Variants in ACSF2 observed in about 807,000 individuals in gnomAD.
ACSF2 encodes the protein medium-chain acyl-CoA ligase ACSF2, mitochondrial.
Under a neutral mutation model 79.3 loss-of-function variants are expected in ACSF2, and 52 were observed. The observed-to-expected ratio is 0.66, with a 90% confidence interval of 0.53 to 0.83. The LOEUF (loss-of-function observed/expected upper bound fraction) is 0.83. Among genes scored for constraint, ACSF2 ranks in the 40% least tolerant of loss-of-function variants. The pLI is 0.00. For missense variants in ACSF2, 661 were observed against 803.3 expected (o/e 0.82, Z 2.14); for synonymous variants, 283 against 312.6 (o/e 0.91, Z 1.00).
At chr17:50,447,850 G>A (rs947569033) in intron 1 of ACSF2, among the ~76,000 whole-genome samples, 1 of 152,218 alleles carries the variant, frequency 6.6e-6, no homozygotes, top group Admixed American at 6.5e-5. Flanking sequence ...TTCTCAGCTA[G>A]ATGGCTTGAC....
At chr17:50,461,825 G>A in intron 4 of ACSF2, 139 bp downstream of exon 4, 7 of 1,160,466 alleles carry the variant, frequency 6.0e-6, no homozygotes, top group Non-Finnish European at 8.8e-6. Flanking sequence ...CTTAGGCCAT[G>A]TGTGATTGGA....
At chr17:50,432,947 C>G (rs2030065450) in intron 1 of ACSF2, among the ~76,000 whole-genome samples, 1 of 152,132 alleles carries the variant, frequency 6.6e-6, no homozygotes, top group South Asian at 2.1e-4. Flanking sequence ...AAGTATGCAG[C>G]CTTCATACGT....
intron 10 of ACSF2, among the ~76,000 whole-genome samples, chr17:50,470,769 A>C (rs1028262389): frequency 6.6e-6 from 1 of 151,774 alleles, no homozygotes; most frequent in East Asian, 1.9e-4. Context: ...GCACTGAGAG[A>C]GCTCCAGCTG....
intron 1 of ACSF2, chr17:50,426,848 T>C (rs936047299): frequency 6.6e-7 from 1 of 1,513,246 alleles, no homozygotes; most frequent in Non-Finnish European, 8.9e-7. Context: ...AGCTGCTCAC[T>C]AACATGGCTT....
Position 50,468,565 on chromosome 17 carries a change from C to A in ACSF2, c.1216-2463C>A, listed in dbSNP as rs201158957. The A allele has an allele frequency of 9.4e-5, 151 of 1,614,232 alleles. No individual in the cohort carries two copies. In the East Asian group the frequency reaches 3.3e-3, roughly 36 times the overall value. ...CGGCCACCTCGCGGATCTGGCAGTG[C>A]TGCAGGTGCAATGACACGAGGTTCG... On this transcript the variant is annotated intron_variant, in intron 10 of 15. Transcript: ENST00000300441.
intron 2 of ACSF2, 167 bp from the exon 3 acceptor site, chr17:50,461,075 T>C: frequency 8.4e-7 from 1 of 1,196,300 alleles, no homozygotes. Context: ...CTGGGGCACC[T>C]GTTAACTATG....
intron 1 of ACSF2, among the ~76,000 whole-genome samples, chr17:50,458,986 G>T (rs1432048754): frequency 6.6e-6 from 1 of 152,206 alleles, no homozygotes; most frequent in African/African-American, 2.4e-5. Context: ...ACTGTGGCTT[G>T]TTCTATCTCT....
rs143964709 is a variant in ACSF2, at chr17:50,462,240, C to T, written c.564C>T (p.Asn188=). ...PKQFKTQQYY[N]VLKQICPEVE... is the part of the protein sequence containing the mutation. ...AATTCAAGACCCAGCAATACTACAA[C>T]GTCCTGAAGCAGATCTGTCCAGAAG... Residue 188 remains asparagine (N), a synonymous_variant, in exon 5 of 16, where the codon AAC becomes AAT. Transcript: ENST00000300441. 2.3e-5 allele frequency: 37 copies of T among 1,614,052 alleles called. No individual in the cohort carries two copies. Among genetic ancestry groups the T allele is most frequent in the African/African-American group, 1.5e-4 (11 of 75,032 alleles).
Position 50,463,056 on chromosome 17 carries a change from C to A in ACSF2, c.793-100C>A. ...GAACAGATGGATCTGGGGCAACAAT[C>A]CCTGTCTCCTGATTCCCGGTCCCGT... On this transcript the variant is annotated intron_variant, in intron 6 of 15. Transcript: ENST00000300441. This position sits in a 1 kb window ranked among gnomAD's most constrained non-coding sequence, Gnocchi z 4.6. 1.0e-6 allele frequency: 1 copy of A among 953,762 alleles called. No homozygotes were observed. The highest frequency in any genetic ancestry group is 1.6e-6 in the Non-Finnish European group (1 of 612,834). 59.1% of individuals were successfully genotyped at this position (953,762 alleles called of 1,614,324 possible). A position where few individuals can be genotyped will look rare whatever the true frequency, so the allele number is the denominator to read the frequency against.
At position 50,462,557 on chromosome 17, in the gene ACSF2, A is replaced by G; in HGVS notation, c.764A>G (p.His255Arg). 1 of 1,613,882 alleles carries G rather than the reference A, an allele frequency of 6.2e-7. No individual in the cohort carries two copies. The highest frequency in any genetic ancestry group is 1.1e-5 in the South Asian group (1 of 91,064). ...LQYNQQFLSC[H>R]DPINIQFTSG... The stretch of plus-strand genomic sequence containing the variant: ...TACAACCAGCAGTTCCTGTCCTGCC[A>G]TGACCCCATCAACATCCAGTTCACC... Residue 255 changes from histidine (H) to arginine (R), a missense_variant, in exon 6 of 16, where the codon CAT becomes CGT. Coordinates refer to ENST00000300441, the MANE Select transcript of ACSF2 (RefSeq NM_025149.6).
intron 10 of ACSF2, chr17:50,465,334 G>C: frequency 1.2e-6 from 2 of 1,614,108 alleles, no homozygotes; most frequent in Non-Finnish European, 1.7e-6. Flanking sequence ...TCTTGGTGGG[G>C]AACTTGCAGC....
intron 1 of ACSF2, among the ~76,000 whole-genome samples, chr17:50,454,601 T>A (rs761942500): frequency 1.3e-5 from 2 of 152,158 alleles, no homozygotes; most frequent in Non-Finnish European, 2.9e-5. Context: ...TCCCTTCCTC[T>A]GAAAGTTTCT....
At chr17:50,427,303 A>G (rs894861945) in intron 1 of ACSF2, among the ~76,000 whole-genome samples, 3 of 152,226 alleles carry the variant, frequency 2.0e-5, no homozygotes, top group Non-Finnish European at 4.4e-5. Context: ...CTAAGTAGGA[A>G]GAGTTGGAGG....
Position 50,463,044 on chromosome 17 carries a change from T to C in ACSF2, c.793-112T>C, listed in dbSNP as rs762598465. 4 of 862,720 alleles carry C rather than the reference T, an allele frequency of 4.6e-6. No individual in the cohort carries two copies. Among genetic ancestry groups the C allele is most frequent in the Non-Finnish European group, 1.9e-6 (1 of 534,096 alleles). 53.4% of individuals were successfully genotyped at this position (862,720 alleles called of 1,614,324 possible). On this transcript the variant is annotated intron_variant, in intron 6 of 15. Transcript: ENST00000300441. This position sits in a 1 kb window ranked among gnomAD's most constrained non-coding sequence, Gnocchi z 4.6. ...TGCAAATATACTGAACAGATGGATC[T>C]GGGGCAACAATCCCTGTCTCCTGAT... is the stretch of plus-strand genomic sequence containing the variant.
chr17:50,443,196 C>CGG (rs1160337436), intron 1 of ACSF2, among the ~76,000 whole-genome samples: 3 of 152,184 alleles, frequency 2.0e-5, no homozygotes, highest in African/African-American at 7.2e-5. Flanking sequence ...GCGTGAGCCA[C>CGG]CGCGCCCGGC....
intron 1 of ACSF2, among the ~76,000 whole-genome samples, chr17:50,437,443 A>G (rs2030524316): frequency 6.6e-6 from 1 of 152,118 alleles, no homozygotes; most frequent in Non-Finnish European, 1.5e-5. Context: ...TGAGGCCAGG[A>G]GTTTGAGACC....
Position 50,473,672 on chromosome 17 carries a change from G to A in ACSF2, c.1483G>A (p.Ala495Thr), listed in dbSNP as rs767197039. 1.5e-5 allele frequency: 24 copies of A among 1,614,016 alleles called. No individual in the cohort carries two copies. Among genetic ancestry groups the A allele is most frequent in the Admixed American group, 3.3e-5 (2 of 59,990 alleles). Reference sequence around the variant, plus strand: ...CCTGGGCTTTCCTTACAGAGATGTCGCCACAATGAATGAGCAGGGCTTCTG... The same window carrying A: ...CCTGGGCTTTCCTTACAGAGATGTCACCACAATGAATGAGCAGGGCTTCTG... ...QDKWYWTGDV[A>T]TMNEQGFCKI... Residue 495 changes from alanine (A) to threonine (T), a missense_variant, in exon 13 of 16, where the codon GCC (alanine) becomes ACC (threonine). By Grantham distance (58) the Ala-to-Thr change is moderately conservative. Coordinates refer to ENST00000300441, the MANE Select transcript of ACSF2 (RefSeq NM_025149.6).
Position 50,472,571 on chromosome 17 carries a change from T to C in ACSF2, c.1467T>C (p.Tyr489=), listed in dbSNP as rs145212127. The C allele has an allele frequency of 4.3e-5, 69 of 1,599,224 alleles. No individual in the cohort carries two copies. In the African/African-American group the frequency reaches 5.3e-4, roughly 12 times the overall value. Residue 489 remains tyrosine, a synonymous_variant, in exon 12 of 16, where the codon TAT becomes TAC. Coordinates refer to ENST00000300441, the MANE Select transcript of ACSF2 (RefSeq NM_025149.6). ...AAGCAGTGGATCAGGACAAGTGGTA[T>C]TGGACAGGGTGAGAAGGCAGGGCGG... ...TEEAVDQDKW[Y]WTGDVATMNE...
At position 50,471,249 on chromosome 17, in the gene ACSF2, C is replaced by A; in HGVS notation, c.1323+114C>A. The stretch of plus-strand genomic sequence containing the variant: ...GAGTCAAATGGCTCACTCAGGATGC[C>A]TAGAGCCCCCCAGCAGCAGGGGTGT... On this transcript the variant is annotated intron_variant, in intron 11 of 15. Transcript: ENST00000300441. This position sits in a 1 kb window ranked among gnomAD's most constrained non-coding sequence, Gnocchi z 4.1. The A allele has an allele frequency of 1.2e-6, 1 of 814,220 alleles. No homozygotes were observed. 50.4% of individuals were successfully genotyped at this position (814,220 alleles called of 1,614,324 possible).
Sources: allele counts gnomAD v4.1 joint callset (sites outside exome capture counted in the v4.1 genomes callset), GRCh38; gene constraint gnomAD v4.1.1; non-coding constraint Gnocchi (gnomAD v3.1); transcripts MANE v1.5; gene names NCBI Gene and HGNC (gene_info 2026-07-23, HGNC 2026-07-21).